HIVEP3: variants seen among roughly 807,000 people sequenced by gnomAD.
HIVEP3 encodes the protein HIVEP zinc finger 3.
HIVEP3 carries 49 observed loss-of-function variants against 152.8 expected under a neutral mutation model. The ratio of observed to expected loss-of-function variants is 0.32; its 90% confidence interval spans 0.26 to 0.41. The LOEUF (loss-of-function observed/expected upper bound fraction) is 0.41, where lower values mean the gene tolerates loss of function less well. HIVEP3 is among the 10% of genes least tolerant of loss of function. HIVEP3 has a pLI of 1.00. For synonymous variants in HIVEP3, 1,269 were observed against 1,289.0 expected (o/e 0.98, Z 0.33); for missense variants, 2,790 against 3,103.3 (o/e 0.90, Z 2.40).
chr1:41,737,340 C>T (rs1217718891), intron 1 of HIVEP3, among the ~76,000 whole-genome samples: 5 of 152,168 alleles, frequency 3.3e-5, no homozygotes, highest in African/African-American at 9.7e-5. Flanking sequence ...TTCCCACTGC[C>T]CACAGTGCCT....
intron 2 of HIVEP3, among the ~76,000 whole-genome samples, chr1:41,654,425 A>T (rs1171558072): frequency 1.3e-5 from 2 of 152,230 alleles, no homozygotes; most frequent in African/African-American, 4.8e-5. Flanking sequence ...TTAGGAGGAC[A>T]GCTAGTGGAA....
intron 1 of HIVEP3, among the ~76,000 whole-genome samples, chr1:41,764,450 A>C (rs920867742): frequency 6.6e-6 from 1 of 152,188 alleles, no homozygotes; most frequent in Non-Finnish European, 1.5e-5. Flanking sequence ...GAGAAGCGAA[A>C]GATAAGTCAA....
At position 41,509,803 on chromosome 1, in the gene HIVEP3, G is replaced by C. The variant is rs1439909929; in HGVS notation, c.*648C>G. ...ATTTTGTGTTGAAATCCTAGGAAAA[G>C]TATCATTTTATTTTCTTGCAAAAAA... is the stretch of plus-strand genomic sequence containing the variant. On this transcript the variant is annotated 3_prime_UTR_variant, in exon 9 of 9. Transcript: ENST00000372583. 9.8e-6 allele frequency: 1 copy of C among 102,102 alleles called. No homozygotes were observed. Among genetic ancestry groups the C allele is most frequent in the Non-Finnish European group, 1.9e-5 (1 of 53,230 alleles). The allele number at this position is 102,102 out of a possible 1,614,324, so 6.3% of individuals were successfully genotyped here.
At chr1:41,635,175 T>C (rs777760802) in intron 2 of HIVEP3, among the ~76,000 whole-genome samples, 4 of 152,054 alleles carry the variant, frequency 2.6e-5, no homozygotes, top group Non-Finnish European at 5.9e-5. Flanking sequence ...CACATGACAA[T>C]TTAAAAATGC....
chr1:41,847,690 C>T (rs867016975), intron 1 of HIVEP3: 3 of 152,260 alleles, frequency 2.0e-5, no homozygotes, highest in Admixed American at 6.5e-5. Flanking sequence ...GAGAGTAGAA[C>T]GCTGAGCTGA....
chr1:41,532,457 G>A (rs1643289735), intron 5 of HIVEP3, among the ~76,000 whole-genome samples: 1 of 152,112 alleles, frequency 6.6e-6, no homozygotes, highest in African/African-American at 2.4e-5. Flanking sequence ...CATTGGCCTT[G>A]AACACCATGC....
chr1:41,974,220 CT>C (rs1557545669), intron 1 of HIVEP3, among the ~76,000 whole-genome samples: 1 of 151,980 alleles, frequency 6.6e-6, no homozygotes, highest in African/African-American at 2.4e-5. Flanking sequence ...CTCAGGCAGA[CT>C]AATAACAGGA....
chr1:41,554,716 GTT>G (rs961687704), intron 5 of HIVEP3, among the ~76,000 whole-genome samples: 4 of 152,192 alleles, frequency 2.6e-5, no homozygotes, highest in African/African-American at 9.7e-5. Context: ...ATTCCTTTCT[GTT>G]TGTTAGTTTT....
chr1:42,003,625 C>T (rs1003180191), intron 1 of HIVEP3, among the ~76,000 whole-genome samples: 2 of 152,156 alleles, frequency 1.3e-5, no homozygotes, highest in Admixed American at 6.5e-5. Context: ...CATGCCCCTC[C>T]CATGAGGCTG....
rs369089871 is a variant in HIVEP3 at position 41,580,795 on chromosome 1, A to G, written c.4003T>C (p.Tyr1335His). 16 of 1,578,196 alleles carry G rather than the reference A, an allele frequency of 1.0e-5. No individual in the cohort carries two copies. The highest frequency in any genetic ancestry group is 1.4e-5 in the Non-Finnish European group (16 of 1,162,206). ...TNMPSYGSAM[Y>H]TTLSQILVTQ... ...ACCAAGATCTGGGAAAGGGTGGTGT[A>G]CATTGCGCTCCCATAGGACGGCATA... The change falls in exon 4 of 9, where the codon TAC becomes CAC. Residue 1335 changes from tyrosine to histidine, a missense_variant. Coordinates refer to ENST00000372583, the MANE Select transcript of HIVEP3 (RefSeq NM_024503.5).
chr1:41,634,420 CA>C (rs1280484223), intron 2 of HIVEP3, among the ~76,000 whole-genome samples: 1 of 150,506 alleles, frequency 6.6e-6, no homozygotes, highest in African/African-American at 2.4e-5. Flanking sequence ...AAGGGAGAAA[CA>C]AAGAAAACTC....
chr1:41,834,398 G>A lies in HIVEP3; in HGVS notation c.-801+84015C>T, dbSNP rs147780413. 2.9e-3 allele frequency among the ~76,000 whole-genome samples: 448 copies of A among 152,304 alleles called. 12 individuals carry two copies. In the East Asian group the frequency reaches 0.073, roughly 25 times the overall value. ...TCTGTCTGGCTGCCCCTTACCTTAT[G>A]AAATACAGGGGTCACAGTTCAGTTT... On this transcript the variant is annotated intron_variant, in intron 1 of 8. Transcript: ENST00000372583.
chr1:41,895,852 G>A (rs1281825092), intron 1 of HIVEP3, among the ~76,000 whole-genome samples: 1 of 152,188 alleles, frequency 6.6e-6, no homozygotes, highest in Non-Finnish European at 1.5e-5. Flanking sequence ...GGAGTGCTAA[G>A]GGCAAAGAAA....
chr1:41,716,536 G>T (rs1646597005), intron 1 of HIVEP3, among the ~76,000 whole-genome samples: 1 of 152,198 alleles, frequency 6.6e-6, no homozygotes, highest in Non-Finnish European at 1.5e-5. Context: ...CCCCGATGAG[G>T]GTGAGATCTC....
chr1:41,709,782 T>C (rs1035475105), intron 1 of HIVEP3, among the ~76,000 whole-genome samples: 1 of 152,160 alleles, frequency 6.6e-6, no homozygotes, highest in Non-Finnish European at 1.5e-5. Flanking sequence ...TGCAGCTCAG[T>C]AACCCCCGCC....
chr1:41,604,906 C>G (rs1644796187), intron 3 of HIVEP3, among the ~76,000 whole-genome samples: 1 of 151,742 alleles, frequency 6.6e-6, no homozygotes. Flanking sequence ...GAATTCGAGA[C>G]CAGCTTGGGC....
At chr1:41,824,824 GAGAGAGAGAGAGAGAGAGTTTATATAT>G (rs1642746618) in intron 1 of HIVEP3, among the ~76,000 whole-genome samples, 1 of 72,246 alleles carries the variant, frequency 1.4e-5, no homozygotes, top group Non-Finnish European at 2.9e-5. Context: ...GAGAGAAAGA[GAGAGAGAGAGAGAGAGAGTTTATATAT>G]AGAGAGAGAG....
chr1:41,783,022 C>T (rs1386030689), intron 1 of HIVEP3, among the ~76,000 whole-genome samples: 1 of 152,100 alleles, frequency 6.6e-6, no homozygotes, highest in Non-Finnish European at 1.5e-5. Flanking sequence ...AACCTGGAAA[C>T]CAAACCAGGT....
Position 41,518,484 on chromosome 1 carries a change from A to C in HIVEP3, c.5388T>G (p.Asn1796Lys). ...CCTTCGACTTCATGTGCTTAGTCAG[A>C]TTCCCTAGAAAGAAACGAGAATACT... ...HCHFAFKTKG[N>K]LTKHMKSKAH... Residue 1796 changes from asparagine to lysine, a missense_variant, in exon 7 of 9, where the codon AAT becomes AAG. Around this residue, in one of 9 missense-constraint regions of HIVEP3, gnomAD observed 57 missense variants for 95.1 expected, o/e 0.60. Coordinates refer to ENST00000372583, the MANE Select transcript of HIVEP3 (RefSeq NM_024503.5). 1.2e-6 allele frequency: 2 copies of C among 1,613,752 alleles called. No homozygotes were observed. Among genetic ancestry groups the C allele is most frequent in the Non-Finnish European group, 8.5e-7 (1 of 1,179,652 alleles).
Sources: gnomAD v4.1 joint callset for allele counts (sites outside exome capture counted in the v4.1 genomes callset) on GRCh38, gnomAD v4.1.1 for gene constraint, gnomAD v4.1.1 regional missense constraint, MANE v1.5 for transcripts, NCBI Gene and HGNC (gene_info 2026-07-23, HGNC 2026-07-21) for gene names.